PDE4D: variants seen among roughly 807,000 people sequenced by gnomAD.
The protein encoded by PDE4D is 3',5'-cyclic-AMP phosphodiesterase 4D.
In PDE4D, 24 loss-of-function variants were observed where a neutral mutation model predicts 87.4. The ratio of observed to expected loss-of-function variants is 0.27; its 90% CI spans 0.20 to 0.39. PDE4D has a LOEUF of 0.39. PDE4D is among the 10% of genes least tolerant of loss of function. PDE4D has a pLI of 1.00. For synonymous variants in PDE4D, 384 were observed against 383.2 expected (o/e 1.00, Z -0.02); for missense variants, 714 against 1,041.0 (o/e 0.69, Z 4.32).
chr5:60,295,765 G>A (rs1339567083), intron 1 of PDE4D, among the ~76,000 whole-genome samples: 1 of 152,182 alleles, frequency 6.6e-6, no homozygotes, highest in African/African-American at 2.4e-5. Context: ...CCTGAATGGG[G>A]ACTTGAGTTT....
At chr5:59,287,718 CAGAG>C (rs144084939) in intron 1 of PDE4D, among the ~76,000 whole-genome samples, 10 of 149,628 alleles carry the variant, frequency 6.7e-5, no homozygotes, top group Middle Eastern at 3.4e-3. Flanking sequence ...GAGACACACA[CAGAG>C]AGAGAGAGAG....
chr5:60,436,465 A>C (rs1200999993), intron 1 of PDE4D, among the ~76,000 whole-genome samples: 1 of 152,098 alleles, frequency 6.6e-6, no homozygotes, highest in Non-Finnish European at 1.5e-5. Flanking sequence ...CTATGCTTTC[A>C]ATACAAGAGC....
chr5:59,071,678 CTCT>C (rs1346559429), intron 5 of PDE4D, among the ~76,000 whole-genome samples: 3 of 100,298 alleles, frequency 3.0e-5, no homozygotes, highest in Non-Finnish European at 4.0e-5. Context: ...TTTTTTATTT[CTCT>C]TCTTTTTTTT....
rs148171635 is a variant in PDE4D, at chr5:59,332,291, T to C, written c.456-116323A>G. 7.4e-4 allele frequency among the ~76,000 whole-genome samples: 112 copies of C among 152,318 alleles called. 2 individuals carry two copies. The East Asian group carries it at 0.02, about 28-fold the overall frequency. On this transcript the variant is annotated intron_variant, in intron 1 of 14. Coordinates refer to ENST00000340635, the MANE Select transcript of PDE4D (RefSeq NM_001104631.2). ...AAATTTTTACTTTAAACAATTACAATATGTATGTATATACTTTATTGAATT... is the reference window on the plus strand; with the variant it reads ...AAATTTTTACTTTAAACAATTACAACATGTATGTATATACTTTATTGAATT...
At chr5:60,486,991 T>C (rs548994317) in intron 1 of PDE4D, among the ~76,000 whole-genome samples, 1 of 152,364 alleles carries the variant, frequency 6.6e-6, no homozygotes, top group African/African-American at 2.4e-5. Context: ...TTATTTTTTA[T>C]GATAGGCTAG....
At chr5:59,067,019 TATTTATTTATTTAGAG>T (rs1217097940) in intron 5 of PDE4D, among the ~76,000 whole-genome samples, 5 of 151,244 alleles carry the variant, frequency 3.3e-5, no homozygotes, top group African/African-American at 1.2e-4. Context: ...TTTATTTATT[TATTTATTTATTTAGAG>T]AGAGAGTTTT....
At chr5:60,114,082 G>T (rs1777923193) in intron 2 of PDE4D, among the ~76,000 whole-genome samples, 1 of 152,080 alleles carries the variant, frequency 6.6e-6, no homozygotes, top group African/African-American at 2.4e-5. Flanking sequence ...TAAGAAATGG[G>T]TAACCTATGT....
chr5:59,576,208 C>A (rs555545680), intron 1 of PDE4D, among the ~76,000 whole-genome samples: 28 of 152,250 alleles, frequency 1.8e-4, no homozygotes, highest in Admixed American at 3.3e-4. Flanking sequence ...GCAATGAGAA[C>A]TATTTACTGT....
At chr5:60,503,650 C>T (rs918662904) in intron 1 of PDE4D, among the ~76,000 whole-genome samples, 1 of 152,050 alleles carries the variant, frequency 6.6e-6, no homozygotes, top group Non-Finnish European at 1.5e-5. Context: ...TTATTAAATG[C>T]CTTTTACACG....
chr5:59,325,999 C>T (rs1015560610), intron 1 of PDE4D, among the ~76,000 whole-genome samples: 1 of 152,022 alleles, frequency 6.6e-6, no homozygotes, highest in Admixed American at 6.6e-5. Context: ...CTATCATTCT[C>T]AGCAAACTAT....
At chr5:59,678,275 G>A (rs980455939) in intron 1 of PDE4D, among the ~76,000 whole-genome samples, 2 of 151,778 alleles carry the variant, frequency 1.3e-5, no homozygotes, top group Admixed American at 1.3e-4. Flanking sequence ...TTTAATTAAG[G>A]TATAAATAAA....
intron 1 of PDE4D, chr5:59,356,625 G>A (rs1781412385): frequency 1.5e-6 from 1 of 676,322 alleles, no homozygotes. Context: ...TCATCTTCTT[G>A]GCTCTTATTT....
intron 2 of PDE4D, among the ~76,000 whole-genome samples, chr5:59,999,693 C>G (rs1763854475): frequency 6.6e-6 from 1 of 151,660 alleles, no homozygotes; most frequent in Admixed American, 6.6e-5. Flanking sequence ...CACAAAGAAA[C>G]AGGGAAACAT....
intron 1 of PDE4D, among the ~76,000 whole-genome samples, chr5:60,223,453 C>T (rs1320283680): frequency 6.6e-6 from 1 of 152,028 alleles, no homozygotes; most frequent in African/African-American, 2.4e-5. Flanking sequence ...TTCTAAGCAC[C>T]AAAGAGCTGT....
chr5:60,111,854 G>T (rs78975238), intron 2 of PDE4D, among the ~76,000 whole-genome samples: 1 of 151,660 alleles, frequency 6.6e-6, no homozygotes, highest in African/African-American at 2.4e-5. Context: ...ATTTGATATG[G>T]GAATGACAAA....
intron 1 of PDE4D, among the ~76,000 whole-genome samples, chr5:59,883,305 G>T (rs527774452): frequency 6.6e-6 from 1 of 152,140 alleles, no homozygotes; most frequent in Non-Finnish European, 1.5e-5. Flanking sequence ...AATCAAATTC[G>T]GGTATTCAGG....
At chr5:60,009,656 C>T (rs540683915) in intron 2 of PDE4D, among the ~76,000 whole-genome samples, 14 of 152,124 alleles carry the variant, frequency 9.2e-5, no homozygotes, top group Admixed American at 9.2e-4. Context: ...AGTTTGCAAA[C>T]CAGGGACCTC....
intron 5 of PDE4D, among the ~76,000 whole-genome samples, chr5:59,046,420 A>ATGAG (rs1760698841): frequency 7.0e-6 from 1 of 143,338 alleles, no homozygotes; most frequent in Non-Finnish European, 1.5e-5. Flanking sequence ...GAGAGAGAGA[A>ATGAG]TGTGTGTGTG....
chr5:60,349,388 G>C (rs1365107267), intron 1 of PDE4D, among the ~76,000 whole-genome samples: 1 of 152,114 alleles, frequency 6.6e-6, no homozygotes, highest in Non-Finnish European at 1.5e-5. Context: ...CACATCTAAG[G>C]AAAATCAAAT....
Sources: gnomAD v4.1 joint callset for allele counts (sites outside exome capture counted in the v4.1 genomes callset) on GRCh38, gnomAD v4.1.1 for gene constraint, MANE v1.5 for transcripts, NCBI Gene and HGNC (gene_info 2026-07-23, HGNC 2026-07-21) for gene names.